The following OGT variants were observed in gnomAD, a reference collection of about 807,000 sequenced individuals.
The protein encoded by OGT is O-linked N-acetylglucosamine (GlcNAc) transferase, also known as UDP-N-acetylglucosamine--peptide N-acetylglucosaminyltransferase 110 kDa subunit.
A neutral mutation model predicts 75.8 loss-of-function variants in OGT; 3 were observed. The ratio of observed to expected loss-of-function variants is 0.04; its 90% confidence interval spans 0.02 to 0.10. The LOEUF (loss-of-function observed/expected upper bound fraction) is 0.10, where lower values mean the gene tolerates loss of function less well. Among genes scored for constraint, OGT ranks in the 10% least tolerant of loss-of-function variants. The pLI is 1.00. For missense variants in OGT, 260 were observed against 824.4 expected (o/e 0.32, Z 8.38); for synonymous variants, 257 against 289.7 (o/e 0.89, Z 1.15).
intron 13 of OGT, 72 bp downstream of exon 13, chrX:71,559,497 A>G (rs1335678406): frequency 1.8e-6 from 2 of 1,142,216 alleles, no homozygotes; most frequent in Non-Finnish European, 2.4e-6. Flanking sequence ...GCTTGTCACC[A>G]TGAGGCATGG....
chrX:71,539,772 C>T (rs2040204670), intron 3 of OGT, among the ~76,000 whole-genome samples: 1 of 112,063 alleles, frequency 8.9e-6, no homozygotes. Context: ...AAGTTCTTTA[C>T]CTTTATTAAT....
intron 5 of OGT, 72 bp downstream of exon 5, chrX:71,548,095 A>G (rs1304836486): frequency 2.0e-6 from 2 of 1,018,999 alleles, no homozygotes; most frequent in East Asian, 3.1e-5. Flanking sequence ...GAACTAAATA[A>G]TAGGTCTTAG....
chrX:71,537,016 T>C, intron 2 of OGT: 1 of 181,180 alleles, frequency 5.5e-6, no homozygotes, highest in Non-Finnish European at 9.8e-6. Flanking sequence ...TTGCCTAGGC[T>C]GGAGTGCAGC....
At chrX:71,553,122 C>T (rs1273415108) in intron 5 of OGT, among the ~76,000 whole-genome samples, 2 of 111,459 alleles carry the variant, frequency 1.8e-5, no homozygotes, top group Non-Finnish European at 3.8e-5. Context: ...GACAGAGTCT[C>T]GCTCTGTCGC....
chrX:71,567,157 A>C (rs377721993), intron 19 of OGT, among the ~76,000 whole-genome samples: 140 of 112,550 alleles, frequency 1.2e-3, no homozygotes, highest in African/African-American at 4.4e-3. Context: ...AAAGTTAGGC[A>C]AGTGTGAGGT....
chrX:71,543,094 G>A (rs745583090), intron 3 of OGT, among the ~76,000 whole-genome samples: 5 of 111,186 alleles, frequency 4.5e-5, no homozygotes, highest in Non-Finnish European at 9.4e-5. Flanking sequence ...CAGACTTTTT[G>A]GTTCACCTGA....
chrX:71,572,265 A>G (rs954307270), intron 21 of OGT, among the ~76,000 whole-genome samples: 4 of 111,669 alleles, frequency 3.6e-5, no homozygotes, highest in Admixed American at 9.5e-5. Flanking sequence ...GTCAATATGC[A>G]CTCTAAAGGC....
intron 6 of OGT, among the ~76,000 whole-genome samples, 160 bp downstream of exon 6, chrX:71,554,752 T>A (rs943138920): frequency 8.9e-6 from 1 of 112,567 alleles, no homozygotes; most frequent in Non-Finnish European, 1.9e-5. Flanking sequence ...TTTATAGATG[T>A]TGTTCGTTGC....
intron 5 of OGT, among the ~76,000 whole-genome samples, chrX:71,548,579 T>C (rs2040278677): frequency 8.9e-6 from 1 of 112,549 alleles, no homozygotes; most frequent in African/African-American, 3.2e-5. Context: ...GAATACCATG[T>C]AGCCATCAAA....
chrX:71,545,309 G>C (rs931221042), intron 4 of OGT: 5 of 111,080 alleles, frequency 4.5e-5, no homozygotes, highest in Non-Finnish European at 9.4e-5. Context: ...TAAAAAAAAG[G>C]TCAGAAGGAC....
At chrX:71,557,707 A>G in intron 12 of OGT, 35 bp downstream of exon 12, 1 of 1,068,543 alleles carries the variant, frequency 9.4e-7, no homozygotes, top group African/African-American at 1.9e-5. Context: ...TTTGTTGTAA[A>G]CTAAAACACA....
At chrX:71,554,429 T>A in intron 5 of OGT, 84 bp from the exon 6 acceptor site, 1 of 607,559 alleles carries the variant, frequency 1.6e-6, no homozygotes, top group Non-Finnish European at 2.8e-6. Flanking sequence ...TGCAAGGACC[T>A]TGGAGTAAAA....
intron 4 of OGT, 59 bp downstream of exon 4, chrX:71,544,694 C>A: frequency 2.1e-6 from 2 of 944,181 alleles, no homozygotes; most frequent in Non-Finnish European, 3.0e-6. Flanking sequence ...TACTTTTTGC[C>A]AAGTCTTCAA....
At chrX:71,544,154 G>A (rs1452064854) in intron 3 of OGT, among the ~76,000 whole-genome samples, 1 of 111,124 alleles carries the variant, frequency 9.0e-6, no homozygotes, top group Non-Finnish European at 1.9e-5. Flanking sequence ...AGGTCCCATA[G>A]TATTTTATGT....
intron 12 of OGT, 130 bp from the exon 13 acceptor site, chrX:71,559,137 A>G (rs1183375376): frequency 1.1e-5 from 6 of 530,360 alleles, no homozygotes; most frequent in Non-Finnish European, 1.8e-5. Context: ...CTCTCTGGCA[A>G]TATTAACTAA....
At chrX:71,549,930 A>T (rs1340081246) in intron 5 of OGT, among the ~76,000 whole-genome samples, 1 of 112,027 alleles carries the variant, frequency 8.9e-6, no homozygotes, top group Non-Finnish European at 1.9e-5. Flanking sequence ...ACTTTGCATC[A>T]AAAGGACTCA....
chrX:71,559,134 G>A, intron 12 of OGT, 133 bp from the exon 13 acceptor site: 1 of 515,707 alleles, frequency 1.9e-6, no homozygotes, highest in South Asian at 3.4e-5. Context: ...CATCTCTCTG[G>A]CAATATTAAC....
chrX:71,541,650 A>G (rs1402537964), intron 3 of OGT, among the ~76,000 whole-genome samples: 2 of 111,859 alleles, frequency 1.8e-5, no homozygotes, highest in Admixed American at 1.9e-4. Context: ...TGAGTCAAGT[A>G]GTAACAAGAA....
intron 19 of OGT, among the ~76,000 whole-genome samples, chrX:71,565,186 T>C (rs1569430135): frequency 8.9e-6 from 1 of 112,208 alleles, no homozygotes; most frequent in Admixed American, 9.5e-5. Context: ...AAAATACTTT[T>C]TAAAAAATTT....
Sources: gnomAD v4.1 joint callset for allele counts (sites outside exome capture counted in the v4.1 genomes callset) on GRCh38, gnomAD v4.1.1 for gene constraint, MANE v1.5 for transcripts, NCBI Gene and HGNC (gene_info 2026-07-23, HGNC 2026-07-21) for gene names.